PAN3: variants seen among roughly 807,000 people sequenced by gnomAD.
PAN3 encodes PAN2-PAN3 deadenylation complex subunit PAN3.
PAN3 carries 19 observed loss-of-function variants against 96.2 expected under a neutral mutation model. The ratio of observed to expected loss-of-function variants is 0.20; its 90% CI spans 0.14 to 0.29. The LOEUF (loss-of-function observed/expected upper bound fraction) is 0.29. Ranked by LOEUF, PAN3 falls within the 10% of genes least tolerant of loss-of-function variation. PAN3 has a pLI of 1.00. For synonymous variants in PAN3, 433 were observed against 406.6 expected (o/e 1.06, Z -0.78); for missense variants, 882 against 1,108.1 (o/e 0.80, Z 2.90).
At chr13:28,217,373 G>C (rs1880908916) in intron 5 of PAN3, among the ~76,000 whole-genome samples, 1 of 152,114 alleles carries the variant, frequency 6.6e-6, no homozygotes, top group South Asian at 2.1e-4. Flanking sequence ...CTTGAGGCCA[G>C]GAGTTTGAGA....
chr13:28,184,018 G>T (rs933252478), intron 4 of PAN3, among the ~76,000 whole-genome samples: 7 of 152,098 alleles, frequency 4.6e-5, no homozygotes, highest in Admixed American at 1.3e-4. Context: ...TGGAAACGTG[G>T]TTCTGTAGCT....
chr13:28,195,439 A>G (rs1363759218), intron 4 of PAN3, among the ~76,000 whole-genome samples: 4 of 152,176 alleles, frequency 2.6e-5, no homozygotes, highest in South Asian at 2.1e-4. Context: ...GTCCACTGCC[A>G]TAATTATTGA....
chr13:28,206,684 ATTC>A (rs962542746), intron 5 of PAN3, among the ~76,000 whole-genome samples: 18 of 150,470 alleles, frequency 1.2e-4, no homozygotes, highest in Non-Finnish European at 1.9e-4. Flanking sequence ...ACAGTTGACC[ATTC>A]TTCTTTTTTT....
chr13:28,176,868 A>G (rs1875084814), intron 3 of PAN3, among the ~76,000 whole-genome samples: 1 of 151,960 alleles, frequency 6.6e-6, no homozygotes, highest in South Asian at 2.1e-4. Context: ...AGAAAAGTGT[A>G]TAAGTTATAT....
chr13:28,206,075 T>C (rs1014328919), intron 5 of PAN3, among the ~76,000 whole-genome samples: 6 of 152,092 alleles, frequency 3.9e-5, no homozygotes, highest in East Asian at 3.9e-4. Flanking sequence ...TCTTAACTTA[T>C]AAGCATTCCA....
At chr13:28,287,875 T>A (rs2138753300) in intron 17 of PAN3, 109 bp from the exon 18 acceptor site, 1 of 1,113,424 alleles carries the variant, frequency 9.0e-7, no homozygotes, top group East Asian at 2.6e-5. Context: ...TCCCTCCCAA[T>A]TTTTTGTTTA....
intron 17 of PAN3, among the ~76,000 whole-genome samples, chr13:28,284,540 A>G (rs1868741326): frequency 6.6e-6 from 1 of 152,154 alleles, no homozygotes. Context: ...GGTTTTTTCC[A>G]GAACATTTGT....
At chr13:28,159,924 GT>G (rs536507550) in intron 1 of PAN3, among the ~76,000 whole-genome samples, 211 of 145,818 alleles carry the variant, frequency 1.4e-3, no homozygotes, top group Non-Finnish European at 2.5e-3. Flanking sequence ...GAAATAAAAG[GT>G]TTTTTTTTTT....
chr13:28,179,581 T>TGG (rs1259332008), intron 4 of PAN3, among the ~76,000 whole-genome samples: 1 of 151,622 alleles, frequency 6.6e-6, no homozygotes, highest in Non-Finnish European at 1.5e-5. Context: ...TCAGGTGTGG[T>TGG]GGTACACACC....
At chr13:28,193,208 C>T (rs1212985028) in intron 4 of PAN3, among the ~76,000 whole-genome samples, 1 of 152,186 alleles carries the variant, frequency 6.6e-6, no homozygotes. Flanking sequence ...TTTAGTTACA[C>T]AGAGAAGATT....
intron 6 of PAN3, among the ~76,000 whole-genome samples, chr13:28,236,922 C>T (rs1883169640): frequency 6.6e-6 from 1 of 152,130 alleles, no homozygotes; most frequent in Admixed American, 6.5e-5. Flanking sequence ...ACCTTGGTAT[C>T]AGTGCATATT....
chr13:28,202,476 A>G lies in PAN3; in HGVS notation c.852+5130A>G, dbSNP rs1183461887. ...CTCTTCATATCCATCCATATATACT[A>G]CATCCTAACCATATGAGGTCTTTTA... On this transcript the variant is annotated intron_variant, in intron 5 of 18. Coordinates refer to ENST00000380958, the MANE Select transcript of PAN3 (RefSeq NM_175854.8). 1.3e-5 allele frequency among the ~76,000 whole-genome samples: 2 copies of G among 152,146 alleles called. 1 individual carries two copies. The highest frequency in any genetic ancestry group is 4.8e-5 in the African/African-American group (2 of 41,428).
intron 6 of PAN3, among the ~76,000 whole-genome samples, chr13:28,239,201 GCACA>G (rs561281678): frequency 0.01 from 1,045 of 101,274 alleles, 9 homozygotes; most frequent in African/African-American, 0.032. Flanking sequence ...ATGCACACAC[GCACA>G]CACACACACA....
rs754987280 is a variant in PAN3 at position 28,292,533 on chromosome 13, A to C, written c.*11A>C. On this transcript the variant is annotated 3_prime_UTR_variant, in exon 19 of 19. Transcript: ENST00000380958. ...AATGGTCAGTTGTAGTATTTGCTAA[A>C]AAAGCACGCAGGACATGGCTAAAGA... 6.2e-7 allele frequency: 1 copy of C among 1,601,798 alleles called. No homozygotes were observed. The highest frequency in any genetic ancestry group is 1.7e-5 in the Admixed American group (1 of 58,064).
In PAN3 at chr13:28,228,528, A is replaced by G. The variant is rs148705511; in HGVS notation, c.1000+8150A>G. Among the ~76,000 whole-genome samples, 16 of 152,296 alleles carry G rather than the reference A, an allele frequency of 1.1e-4. 1 individual carries two copies. The East Asian group carries it at 3.1e-3, about 29-fold the overall frequency. ...TCTTACATATTGATATGTCTGAAAT[A>G]AGATGTTTTCTTAGGATTTCATAAG... On this transcript the variant is annotated intron_variant, in intron 6 of 18. Transcript: ENST00000380958.
intron 7 of PAN3, among the ~76,000 whole-genome samples, chr13:28,259,733 G>T (rs958130765): frequency 6.6e-6 from 1 of 151,866 alleles, no homozygotes; most frequent in African/African-American, 2.4e-5. Flanking sequence ...CTGCCTCCCT[G>T]GTTCAAGTGA....
intron 5 of PAN3, chr13:28,214,810 T>C: frequency 1.6e-6 from 1 of 626,208 alleles, no homozygotes; most frequent in South Asian, 1.6e-5. Context: ...AGAGACTTCA[T>C]CAAAAACATG....
intron 17 of PAN3, among the ~76,000 whole-genome samples, chr13:28,283,392 A>G (rs1016590889): frequency 1.3e-5 from 2 of 152,192 alleles, no homozygotes; most frequent in Admixed American, 6.5e-5. Context: ...TAGGTTGTCT[A>G]TGAATAAAGT....
intron 18 of PAN3, among the ~76,000 whole-genome samples, chr13:28,289,421 G>T (rs1869420590): frequency 6.6e-6 from 1 of 151,990 alleles, no homozygotes; most frequent in Non-Finnish European, 1.5e-5. Context: ...GGGACCACAG[G>T]CACACGCCAC....
Sources: gnomAD v4.1 joint callset for allele counts (sites outside exome capture counted in the v4.1 genomes callset) on GRCh38, gnomAD v4.1.1 for gene constraint, MANE v1.5 for transcripts, NCBI Gene and HGNC (gene_info 2026-07-23, HGNC 2026-07-21) for gene names.